Variants in PCM1 observed in about 807,000 individuals in gnomAD.
PCM1 encodes pericentriolar material 1 protein.
Under a neutral mutation model 241.9 loss-of-function variants are expected in PCM1, and 157 were observed. The ratio of observed to expected loss-of-function variants is 0.65; its 90% CI spans 0.57 to 0.74. The LOEUF (loss-of-function observed/expected upper bound fraction) is 0.74. Ranked by LOEUF, PCM1 falls within the 30% of genes least tolerant of loss-of-function variation. PCM1 has a pLI of 0.00. For synonymous variants in PCM1, 1,085 were observed against 784.9 expected, an observed-to-expected ratio of 1.38 and a Z score of -6.39; for missense variants, 3,478 against 2,360.1, an observed-to-expected ratio of 1.47 and a Z score of -9.81.
chr8:17,945,181 A>G (rs972212760), intron 6 of PCM1, among the ~76,000 whole-genome samples: 1 of 152,082 alleles, frequency 6.6e-6, no homozygotes, highest in Non-Finnish European at 1.5e-5. Context: ...AATTATCCCT[A>G]CCCTTCAAAG....
intron 26 of PCM1, among the ~76,000 whole-genome samples, chr8:17,988,120 G>A (rs930872225): frequency 6.6e-6 from 1 of 151,756 alleles, no homozygotes; most frequent in African/African-American, 2.4e-5. Context: ...AACACACTTT[G>A]TGTCTCCTGC....
At chr8:17,970,983 C>A (rs1009286888) in intron 22 of PCM1, among the ~76,000 whole-genome samples, 1 of 152,116 alleles carries the variant, frequency 6.6e-6, no homozygotes, top group African/African-American at 2.4e-5. Context: ...GTATTTTAGG[C>A]CTTGCTGGCC....
At chr8:17,976,827 A>G (rs1333859435) in intron 23 of PCM1, among the ~76,000 whole-genome samples, 2 of 151,860 alleles carry the variant, frequency 1.3e-5, no homozygotes, top group Non-Finnish European at 2.9e-5. Flanking sequence ...TTGGAAATCT[A>G]GCCTTTGATG....
In PCM1 at chr8:17,985,984, A is replaced by C. The variant is rs1452181445; in HGVS notation, c.4307A>C (p.Glu1436Ala). Residue 1436 changes from glutamate (E) to alanine (A), a missense_variant, in exon 26 of 39, where the codon GAG becomes GCG. Glu to Ala is a moderately radical substitution (Grantham distance 107, BLOSUM62 -1). Transcript: ENST00000325083. Reference sequence around the variant, plus strand: ...GACATAGTATCCAGACATATTTCTGAGAGCCATGAAAAAGGAGAAAATGTA... The same window carrying C: ...GACATAGTATCCAGACATATTTCTGCGAGCCATGAAAAAGGAGAAAATGTA... Reference protein sequence around the residue: ...LQDIVSRHISESHEKGENVKS... With the variant: ...LQDIVSRHISASHEKGENVKS... The C allele has an allele frequency of 1.9e-6, 3 of 1,576,164 alleles. No individual in the cohort carries two copies. The African/African-American group carries it at 4.1e-5, about 21-fold the overall frequency.
At chr8:17,928,732 A>G (rs2057999494) in intron 2 of PCM1, among the ~76,000 whole-genome samples, 1 of 150,308 alleles carries the variant, frequency 6.7e-6, no homozygotes, top group African/African-American at 2.5e-5. Flanking sequence ...CCCGGGTTCA[A>G]ACGATTCTCC....
At chr8:17,963,316 T>C in intron 17 of PCM1, 25 bp downstream of exon 17, 1 of 1,543,776 alleles carries the variant, frequency 6.5e-7, no homozygotes, top group East Asian at 2.3e-5. Context: ...TAAATCACTT[T>C]TCTAAAAATG....
intron 7 of PCM1, 144 bp downstream of exon 7, chr8:17,947,507 C>T (rs2064282797): frequency 1.6e-6 from 1 of 606,584 alleles, no homozygotes; most frequent in Admixed American, 3.2e-5. Flanking sequence ...CTTTCCTGTG[C>T]TTTTCTCTGG....
At chr8:17,988,002 G>C (rs1170174904) in intron 26 of PCM1, among the ~76,000 whole-genome samples, 1 of 151,738 alleles carries the variant, frequency 6.6e-6, no homozygotes, top group East Asian at 1.9e-4. Context: ...AGATGTGTAA[G>C]AGATACCTCT....
intron 23 of PCM1, among the ~76,000 whole-genome samples, chr8:17,975,695 A>G (rs2078525945): frequency 1.3e-5 from 2 of 152,126 alleles, no homozygotes; most frequent in Admixed American, 6.6e-5. Flanking sequence ...TGATCCAAAT[A>G]TATATGTGTT....
intron 24 of PCM1, among the ~76,000 whole-genome samples, chr8:17,981,139 G>A (rs2080624194): frequency 6.6e-6 from 1 of 152,078 alleles, no homozygotes; most frequent in Non-Finnish European, 1.5e-5. Context: ...TGGCCATCAG[G>A]GATTTGGTTC....
chr8:17,971,495 A>C (rs886338950), intron 22 of PCM1, among the ~76,000 whole-genome samples: 5 of 152,236 alleles, frequency 3.3e-5, no homozygotes, highest in African/African-American at 1.2e-4. Flanking sequence ...ATTAAATATT[A>C]AGGGATGCTA....
At position 18,007,233 on chromosome 8, in the gene PCM1, A is replaced by C. The variant is rs938995949; in HGVS notation, c.4962+836A>C. Among the ~76,000 whole-genome samples the C allele has an allele frequency of 3.3e-5, 5 of 152,124 alleles. No homozygotes were observed. In the East Asian group the frequency reaches 9.6e-4, roughly 29 times the overall value. On this transcript the variant is annotated intron_variant, in intron 30 of 38. Coordinates refer to ENST00000325083, the MANE Select transcript of PCM1 (RefSeq NM_006197.4). ...CTTTATTACAGAATTTTCTTATGAA[A>C]CTTGGCTTTGCTTCTTATTTCTGTG...
chr8:17,970,452 A>G (rs1287455324), intron 22 of PCM1, among the ~76,000 whole-genome samples: 1 of 147,176 alleles, frequency 6.8e-6, no homozygotes, highest in Non-Finnish European at 1.5e-5. Context: ...TTTTTACTCG[A>G]TTAACCAATA....
At chr8:18,018,511 C>T (rs1242278755) in intron 36 of PCM1, among the ~76,000 whole-genome samples, 2 of 152,308 alleles carry the variant, frequency 1.3e-5, no homozygotes, top group East Asian at 3.9e-4. Flanking sequence ...TTGTACTTGT[C>T]TCTATAATAC....
intron 4 of PCM1, 49 bp from the exon 5 acceptor site, chr8:17,938,691 T>C: frequency 6.8e-7 from 1 of 1,461,886 alleles, no homozygotes; most frequent in Non-Finnish European, 9.5e-7. Flanking sequence ...AAACAAAATT[T>C]TGTCATAAGG....
intron 13 of PCM1, among the ~76,000 whole-genome samples, chr8:17,958,947 C>G (rs1187276978): frequency 6.6e-6 from 1 of 152,078 alleles, no homozygotes; most frequent in African/African-American, 2.4e-5. Flanking sequence ...GTCTTGAACT[C>G]CTGGCCTCAG....
Position 17,966,203 on chromosome 8 carries a change from G to C in PCM1, c.3060G>C (p.Leu1020Phe), listed in dbSNP as rs753626918. 1.1e-5 allele frequency: 17 copies of C among 1,613,348 alleles called. No homozygotes were observed. The highest frequency in any genetic ancestry group is 1.4e-5 in the Non-Finnish European group (17 of 1,179,516). The change falls in exon 19 of 39, where the codon TTG becomes TTC. Residue 1020 changes from leucine to phenylalanine, a missense_variant. Coordinates refer to ENST00000325083, the MANE Select transcript of PCM1 (RefSeq NM_006197.4). ...TTAGTGTCAGTATTTGTCAGACTTT[G>C]ATGCAAGACCAGCAGGTAAAATTTG... ...LDFSVSICQT[L>F]MQDQQTLSCL... is the part of the protein sequence containing the mutation.
intron 2 of PCM1, among the ~76,000 whole-genome samples, chr8:17,934,268 CTT>C (rs34603700): frequency 6.9e-6 from 1 of 145,886 alleles, no homozygotes. Context: ...AATTTTTAAT[CTT>C]TTTTTTTTTT....
intron 36 of PCM1, among the ~76,000 whole-genome samples, chr8:18,016,408 G>A (rs552738128): frequency 4.8e-4 from 70 of 145,084 alleles, no homozygotes; most frequent in African/African-American, 1.7e-3. Context: ...ATGCCTTTCT[G>A]GAGAAATGGT....
Sources: allele counts gnomAD v4.1 joint callset (sites outside exome capture counted in the v4.1 genomes callset), GRCh38; gene constraint gnomAD v4.1.1; transcripts MANE v1.5; gene names NCBI Gene and HGNC (gene_info 2026-07-23, HGNC 2026-07-21).